ADAMTSL1: variants seen among roughly 807,000 people sequenced by gnomAD.
ADAMTSL1 encodes the protein ADAMTS-like protein 1.
ADAMTSL1 carries 126 observed loss-of-function variants against 201.8 expected under a neutral mutation model. The observed-to-expected ratio is 0.62, with a 90% CI of 0.54 to 0.72. The LOEUF (loss-of-function observed/expected upper bound fraction) is 0.72, where lower values mean the gene tolerates loss of function less well. Ranked by LOEUF, ADAMTSL1 falls within the 30% of genes least tolerant of loss-of-function variation. The pLI is 0.00. For missense variants in ADAMTSL1, 2,679 were observed against 2,277.8 expected, an observed-to-expected ratio of 1.18 and a Z score of -3.59; for synonymous variants, 1,121 against 903.4, an observed-to-expected ratio of 1.24 and a Z score of -4.32.
chr9:18,626,300 C>A (rs1032400609), intron 5 of ADAMTSL1, among the ~76,000 whole-genome samples: 5 of 152,054 alleles, frequency 3.3e-5, no homozygotes, highest in African/African-American at 1.2e-4. Context: ...AGGCTGCCAG[C>A]CACAGGTGAT....
At chr9:18,223,265 AT>A (rs1369430947) in intron 2 of ADAMTSL1, among the ~76,000 whole-genome samples, 2 of 152,066 alleles carry the variant, frequency 1.3e-5, no homozygotes, top group African/African-American at 2.4e-5. Context: ...TCAATTTCAG[AT>A]TTGGGGGTTT....
intron 2 of ADAMTSL1, among the ~76,000 whole-genome samples, chr9:18,253,452 TA>T (rs1362944615): frequency 6.6e-6 from 1 of 152,220 alleles, no homozygotes; most frequent in Non-Finnish European, 1.5e-5. Context: ...AAAGATAGTG[TA>T]AAAAACTAGG....
Position 18,753,418 on chromosome 9 carries a change from T to C in ADAMTSL1, c.2127T>C (p.Asp709=). 1 of 1,613,462 alleles carries C rather than the reference T, an allele frequency of 6.2e-7. No individual in the cohort carries two copies. Among genetic ancestry groups the C allele is most frequent in the Non-Finnish European group, 8.5e-7 (1 of 1,179,740 alleles). Residue 709 remains aspartate (D), a synonymous_variant, in exon 16 of 29, where the codon GAT becomes GAC. Transcript: ENST00000380548. ...TGAATGAAACAGTCATCCTGGCTGA[T>C]GAGCTGTGTCGCCAGCCCAAGCCCA... ...REMNETVILA[D]ELCRQPKPST...
At chr9:18,435,169 A>T (rs534281689) in intron 2 of ADAMTSL1, among the ~76,000 whole-genome samples, 5 of 152,366 alleles carry the variant, frequency 3.3e-5, no homozygotes, top group African/African-American at 9.6e-5. Context: ...CTTATTGCTC[A>T]CACAGTTATG....
chr9:18,141,327 C>G (rs761222592), intron 1 of ADAMTSL1, among the ~76,000 whole-genome samples: 2 of 152,102 alleles, frequency 1.3e-5, no homozygotes, highest in African/African-American at 4.8e-5. Flanking sequence ...CCTTAACAGC[C>G]CAGGGAACTA....
chr9:18,783,284 T>C (rs142661924), intron 19 of ADAMTSL1, among the ~76,000 whole-genome samples: 49 of 152,332 alleles, frequency 3.2e-4, no homozygotes, highest in African/African-American at 1.2e-3. Flanking sequence ...GGTAGAATAC[T>C]TCTCTTTTAA....
upstream of ADAMTSL1, among the ~76,000 whole-genome samples, chr9:18,472,627 G>C (rs1268644577): frequency 1.3e-5 from 2 of 152,144 alleles, no homozygotes; most frequent in Non-Finnish European, 2.9e-5. Context: ...AACGCAGCAG[G>C]TATGTACATA....
At chr9:18,552,397 T>G (rs1161671916) in intron 3 of ADAMTSL1, among the ~76,000 whole-genome samples, 2 of 151,858 alleles carry the variant, frequency 1.3e-5, no homozygotes, top group African/African-American at 2.4e-5. Context: ...CATTTTTCTT[T>G]ATTAATCGCT....
chr9:18,057,631 C>T (rs1822255863), intron 1 of ADAMTSL1, among the ~76,000 whole-genome samples: 1 of 152,154 alleles, frequency 6.6e-6, no homozygotes, highest in Admixed American at 6.5e-5. Context: ...TGACCGTGGC[C>T]TATGGGTCCT....
At chr9:18,195,174 T>A (rs2132248838) in intron 2 of ADAMTSL1, among the ~76,000 whole-genome samples, 1 of 152,244 alleles carries the variant, frequency 6.6e-6, no homozygotes, top group South Asian at 2.1e-4. Flanking sequence ...GCCACCAGTG[T>A]CCATCAAACA....
rs10963628 is a variant in ADAMTSL1 at position 18,546,912 on chromosome 9, C to T, written c.237+13620C>T. Among the ~76,000 whole-genome samples, 342 of 152,104 alleles carry T rather than the reference C, an allele frequency of 2.2e-3. 1 individual carries two copies. The highest frequency in any genetic ancestry group is 0.014 in the South Asian group (68 of 4,822). On this transcript the variant is annotated intron_variant, in intron 3 of 28. Coordinates refer to ENST00000380548, the MANE Select transcript of ADAMTSL1 (RefSeq NM_001040272.6). ...TGGAAGAAAAATAATCATTCAGCAA[C>T]GAAAATAAAGTTTGAAAACACCTGC... is the stretch of plus-strand genomic sequence containing the variant.
intron 12 of ADAMTSL1, among the ~76,000 whole-genome samples, chr9:18,683,452 C>T (rs1032861326): frequency 4.0e-5 from 6 of 151,402 alleles, no homozygotes; most frequent in Admixed American, 1.3e-4. Context: ...AGGCTGGTCT[C>T]GAACTCCTGA....
Position 18,227,217 on chromosome 9 carries a change from A to G in ADAMTSL1, c.207+63236A>G, listed in dbSNP as rs192220186. Among the ~76,000 whole-genome samples, 53 of 152,252 alleles carry G rather than the reference A, an allele frequency of 3.5e-4. No individual in the cohort carries two copies. The Middle Eastern group carries it at 0.014, about 39-fold the overall frequency. ...GTACTATATCCATGCTAAATCGCTT[A>G]TGTTCTGCATTGTCGTATATTTTTC... On this transcript the variant is annotated intron_variant, in intron 2 of 29. Transcript: ENST00000680146.
chr9:18,039,607 G>A (rs563853241), intron 1 of ADAMTSL1, among the ~76,000 whole-genome samples: 139 of 152,202 alleles, frequency 9.1e-4, no homozygotes, highest in Middle Eastern at 3.4e-3. Flanking sequence ...AATTAACTGA[G>A]TTAGTTTCCA....
intron 13 of ADAMTSL1, among the ~76,000 whole-genome samples, chr9:18,685,119 C>T (rs1377411241): frequency 1.3e-5 from 2 of 152,226 alleles, no homozygotes; most frequent in African/African-American, 2.4e-5. Flanking sequence ...GATGATATAA[C>T]ATAGATTTGA....
intron 1 of ADAMTSL1, among the ~76,000 whole-genome samples, chr9:18,012,562 C>T (rs1462797138): frequency 2.6e-5 from 4 of 152,102 alleles, no homozygotes; most frequent in South Asian, 2.1e-4. Context: ...TTTCCAACTA[C>T]GGAATTTAAA....
At chr9:18,377,713 C>T (rs1486849199) in intron 2 of ADAMTSL1, among the ~76,000 whole-genome samples, 2 of 152,056 alleles carry the variant, frequency 1.3e-5, no homozygotes, top group Admixed American at 1.3e-4. Flanking sequence ...AATACAGTCG[C>T]GTGCCACCAC....
At chr9:18,535,140 C>G (rs1420499372) in intron 3 of ADAMTSL1, among the ~76,000 whole-genome samples, 2 of 152,170 alleles carry the variant, frequency 1.3e-5, no homozygotes, top group Admixed American at 6.5e-5. Flanking sequence ...GCTCTGCTTC[C>G]TCTTGAATGC....
At chr9:18,282,602 T>A (rs1832831624) in intron 2 of ADAMTSL1, among the ~76,000 whole-genome samples, 1 of 152,202 alleles carries the variant, frequency 6.6e-6, no homozygotes, top group Admixed American at 6.5e-5. Context: ...CATGTGCACT[T>A]GAAAAGAGTA....
Sources: gnomAD v4.1 joint callset for allele counts (sites outside exome capture counted in the v4.1 genomes callset) on GRCh38, gnomAD v4.1.1 for gene constraint, MANE v1.5 for transcripts, NCBI Gene and HGNC (gene_info 2026-07-23, HGNC 2026-07-21) for gene names.